The following DBF4 variants were observed in gnomAD, a reference collection of about 807,000 sequenced individuals.
DBF4 encodes DBF4-CDC7 kinase regulatory subunit.
In DBF4, 25 loss-of-function variants were observed where a neutral mutation model predicts 76.6. The observed-to-expected ratio is 0.33, with a 90% confidence interval of 0.24 to 0.46. The LOEUF (loss-of-function observed/expected upper bound fraction) is 0.46. Among genes scored for constraint, DBF4 ranks in the 20% least tolerant of loss-of-function variants. The probability of loss-of-function intolerance (pLI) is 1.00; values close to 1 mark genes in which losing one functional copy is unlikely to be tolerated. For missense variants in DBF4, 638 were observed against 760.8 expected, an observed-to-expected ratio of 0.84 and a Z score of 1.90; for synonymous variants, 213 against 258.0, an observed-to-expected ratio of 0.83 and a Z score of 1.67.
At chr7:87,886,785 C>A in intron 3 of DBF4, 59 bp from the exon 4 acceptor site, 1 of 1,068,618 alleles carries the variant, frequency 9.4e-7, no homozygotes, top group Non-Finnish European at 1.4e-6. Flanking sequence ...GCTGCTTTAC[C>A]TTTTTAACCT....
intron 6 of DBF4, among the ~76,000 whole-genome samples, chr7:87,889,442 G>A (rs895796003): frequency 2.0e-4 from 30 of 151,896 alleles, no homozygotes; most frequent in African/African-American, 6.8e-4. Context: ...ACCGTACCTG[G>A]CTAGTTTTTG....
At chr7:87,892,803 G>A (rs973456532) in intron 6 of DBF4, among the ~76,000 whole-genome samples, 5 of 151,880 alleles carry the variant, frequency 3.3e-5, no homozygotes, top group African/African-American at 1.2e-4. Flanking sequence ...TGTCCTGTGG[G>A]GTTACTTTTA....
At chr7:87,900,135 A>G (rs1839738181) in intron 8 of DBF4, 86 bp from the exon 9 acceptor site, 1 of 1,132,040 alleles carries the variant, frequency 8.8e-7, no homozygotes, top group East Asian at 2.6e-5. Context: ...ATTCCAGCTT[A>G]ATTATATGAT....
intron 10 of DBF4, among the ~76,000 whole-genome samples, chr7:87,901,717 G>A (rs1284504488): frequency 6.6e-6 from 1 of 152,214 alleles, no homozygotes; most frequent in Non-Finnish European, 1.5e-5. Flanking sequence ...CAGGCTGCCA[G>A]GTTTGAATCC....
At chr7:87,889,526 C>T (rs576077390) in intron 6 of DBF4, among the ~76,000 whole-genome samples, 11 of 152,164 alleles carry the variant, frequency 7.2e-5, no homozygotes, top group African/African-American at 2.2e-4. Flanking sequence ...GCTATCCACC[C>T]GCCTCAGCCT....
intron 7 of DBF4, 123 bp from the exon 8 acceptor site, chr7:87,897,171 A>T: frequency 1.2e-6 from 1 of 866,432 alleles, no homozygotes; most frequent in Non-Finnish European, 1.8e-6. Flanking sequence ...TCTGAGGCTT[A>T]AAACTTTAAA....
chr7:87,897,315 T>C lies in DBF4; in HGVS notation c.656T>C (p.Phe219Ser). The part of the protein sequence containing the change: ...KTRTGRLKKP[F>S]VKVEDMSQLY... ...CAAGCAGGAAGACTCAAAAAGCCTT[T>C]TGTAAAGGTGGAAGATATGAGCCAG... Residue 219 changes from phenylalanine (F) to serine (S), a missense_variant, in exon 8 of 12, where the codon TTT (phenylalanine) becomes TCT (serine). Transcript: ENST00000265728. 1.9e-6 allele frequency: 3 copies of C among 1,612,818 alleles called. No homozygotes were observed. Among genetic ancestry groups the C allele is most frequent in the South Asian group, 1.1e-5 (1 of 90,994 alleles).
At chr7:87,900,927 TTG>T in intron 10 of DBF4, 49 bp downstream of exon 10, 1 of 1,442,496 alleles carries the variant, frequency 6.9e-7, no homozygotes, top group Non-Finnish European at 9.6e-7. Flanking sequence ...ACTGTAATAC[TTG>T]TGTTTTAAAT....
At chr7:87,903,309 C>T (rs1448724417) in intron 10 of DBF4, among the ~76,000 whole-genome samples, 1 of 152,166 alleles carries the variant, frequency 6.6e-6, no homozygotes, top group East Asian at 1.9e-4. Context: ...GAACTCCTGA[C>T]CTCAGGTGAT....
chr7:87,903,303 T>A (rs1246128574), intron 10 of DBF4, among the ~76,000 whole-genome samples: 1 of 152,200 alleles, frequency 6.6e-6, no homozygotes, highest in African/African-American at 2.4e-5. Context: ...GGTCTCGAAC[T>A]CCTGACCTCA....
intron 8 of DBF4, 147 bp downstream of exon 8, chr7:87,897,486 A>C: frequency 1.6e-6 from 1 of 630,656 alleles, no homozygotes; most frequent in Non-Finnish European, 2.6e-6. Context: ...CAAGTTAACG[A>C]AAGTAGCATT....
chr7:87,908,249 T>C lies in DBF4; in HGVS notation c.*86T>C. ...ATATGTATGGAAATTCTTAGGATTT[T>C]TTTACCAGCTTTGTTTACAGACCCA... On this transcript the variant is annotated 3_prime_UTR_variant, in exon 12 of 12. Coordinates refer to ENST00000265728, the MANE Select transcript of DBF4 (RefSeq NM_006716.4). The C allele has an allele frequency of 7.7e-7, 1 of 1,303,058 alleles. No individual in the cohort carries two copies. Among genetic ancestry groups the C allele is most frequent in the Non-Finnish European group, 1.0e-6 (1 of 1,000,464 alleles). The allele number at this position is 1,303,058 out of a possible 1,614,324, so 80.7% of individuals were successfully genotyped here.
chr7:87,882,290 T>A (rs1348229651), intron 2 of DBF4, among the ~76,000 whole-genome samples: 1 of 152,046 alleles, frequency 6.6e-6, no homozygotes, highest in African/African-American at 2.4e-5. Flanking sequence ...TGCAGAAAAA[T>A]GAAGTTGGAC....
intron 2 of DBF4, among the ~76,000 whole-genome samples, chr7:87,881,104 G>A (rs13238458): frequency 0.045 from 6,912 of 152,204 alleles, 223 homozygotes; most frequent in Non-Finnish European, 0.065. Context: ...TCTGTGTTTT[G>A]GTAGATTCAA....
intron 11 of DBF4, among the ~76,000 whole-genome samples, chr7:87,906,706 A>T (rs936448866): frequency 6.6e-6 from 1 of 152,210 alleles, no homozygotes; most frequent in African/African-American, 2.4e-5. Context: ...AATTTAAAAT[A>T]TATGTTTTTG....
At position 87,878,162 on chromosome 7, in the gene DBF4, C is replaced by T. The variant is rs1240655404; in HGVS notation, c.156C>T (p.Tyr52=). Residue 52 remains tyrosine, a synonymous_variant, in exon 2 of 12, where the codon TAC becomes TAT. Coordinates refer to ENST00000265728, the MANE Select transcript of DBF4 (RefSeq NM_006716.4). Reference sequence around the variant, plus strand: ...AGCCACTTTGGGGAAAAGTATTTTACCTTGACTTACCTTCTGTCACCATAT... The same window carrying T: ...AGCCACTTTGGGGAAAAGTATTTTATCTTGACTTACCTTCTGTCACCATAT... The part of the protein sequence containing the change: ...KCKPLWGKVF[Y]LDLPSVTISE... The T allele has an allele frequency of 4.3e-6, 7 of 1,613,416 alleles. No homozygotes were observed. Among genetic ancestry groups the T allele is most frequent in the Non-Finnish European group, 4.2e-6 (5 of 1,179,756 alleles).
rs62489876 is a variant in DBF4 at position 87,893,261 on chromosome 7, C to T, written c.598-3213C>T. On this transcript the variant is annotated intron_variant, in intron 6 of 11. Transcript: ENST00000265728. ...CTTTTTTTTTTTTTTTTTTTTGAGA[C>T]GGAGTCTCGCTCTGTCGCCCAGGCC... Among the ~76,000 whole-genome samples, 570 of 129,588 alleles carry T rather than the reference C, an allele frequency of 4.4e-3. 5 individuals are homozygous for T. The highest frequency in any genetic ancestry group is 0.031 in the South Asian group (128 of 4,156). 85.0% of individuals were successfully genotyped at this position (129,588 alleles called of 152,430 possible).
intron 11 of DBF4, among the ~76,000 whole-genome samples, chr7:87,906,331 T>G (rs1211903328): frequency 6.6e-6 from 1 of 151,848 alleles, no homozygotes; most frequent in African/African-American, 2.4e-5. Context: ...TAGTTTTTTT[T>G]TTTTTTTTTA....
At chr7:87,886,569 CAT>C (rs745555994) in intron 3 of DBF4, among the ~76,000 whole-genome samples, 20 of 119,116 alleles carry the variant, frequency 1.7e-4, no homozygotes, top group Non-Finnish European at 2.7e-4. Flanking sequence ...GGTGAAATAA[CAT>C]GTGAAAACAG....
Sources: allele counts gnomAD v4.1 joint callset (sites outside exome capture counted in the v4.1 genomes callset), GRCh38; gene constraint gnomAD v4.1.1; transcripts MANE v1.5; gene names NCBI Gene and HGNC (gene_info 2026-07-23, HGNC 2026-07-21).